Variants in ALPK3 observed in about 807,000 individuals in gnomAD.
The protein encoded by ALPK3 is alpha-protein kinase 3.
Under a neutral mutation model 140.0 loss-of-function variants are expected in ALPK3, and 102 were observed. The observed-to-expected ratio is 0.73, with a 90% CI of 0.62 to 0.86. The LOEUF is 0.86. Ranked by LOEUF, ALPK3 falls within the 40% of genes least tolerant of loss-of-function variation. ALPK3 has a pLI of 0.00. For synonymous variants in ALPK3, 938 were observed against 898.5 expected (o/e 1.04, Z -0.79); for missense variants, 2,254 against 2,208.2 (o/e 1.02, Z -0.42).
At chr15:84,855,424 G>T (rs939142459) in intron 5 of ALPK3, among the ~76,000 whole-genome samples, 1 of 152,076 alleles carries the variant, frequency 6.6e-6, no homozygotes, top group African/African-American at 2.4e-5. Flanking sequence ...GAGACTGTAG[G>T]TTTTATTTGC....
Position 84,860,265 on chromosome 15 carries a change from G to A in ALPK3, c.4129+193G>A, listed in dbSNP as rs12907646. On this transcript the variant is annotated intron_variant, in intron 9 of 13. Coordinates refer to ENST00000258888, the MANE Select transcript of ALPK3 (RefSeq NM_020778.5). ...ATTATGGGGGAAGAAGTGACCAAGG[G>A]GGCCACTGCACAGGAGTTAGTTCAC... Among the ~76,000 whole-genome samples the A allele has an allele frequency of 0.17, 26,065 of 152,112 alleles. 2,830 individuals are homozygous for A. The highest frequency in any genetic ancestry group is 0.28 in the Middle Eastern group (81 of 294).
chr15:84,849,351 A>G (rs1820550262), intron 5 of ALPK3, among the ~76,000 whole-genome samples: 1 of 152,218 alleles, frequency 6.6e-6, no homozygotes, highest in African/African-American at 2.4e-5. Context: ...TCAGTAATCA[A>G]TAGAACTAGT....
chr15:84,839,818 G>A lies in ALPK3; in HGVS notation c.539G>A (p.Arg180His), dbSNP rs574988897. 2 of 1,614,138 alleles carry A rather than the reference G, an allele frequency of 1.2e-6. No individual in the cohort carries two copies. The highest frequency in any genetic ancestry group is 2.2e-5 in the East Asian group (1 of 44,872). Reference sequence around the variant, plus strand: ...ATGACTGAGTACAAGATCCACCAGCGCTGGTTCGCCAAGTTGAAGCGCAAG... The same window carrying A: ...ATGACTGAGTACAAGATCCACCAGCACTGGTTCGCCAAGTTGAAGCGCAAG... ...GTMTEYKIHQ[R>H]WFAKLKRKAA... Residue 180 changes from arginine (R) to histidine (H), a missense_variant, in exon 5 of 14, where the codon CGC becomes CAC. Physicochemically the swap from Arg to His is conservative, Grantham distance 29. Coordinates refer to ENST00000258888, the MANE Select transcript of ALPK3 (RefSeq NM_020778.5).
chr15:84,864,451 A>T lies in ALPK3; in HGVS notation c.4509A>T (p.Pro1503=), dbSNP rs773647012. ...GTGAAACTATGTTTAGGATCATCCC[A>T]CTGTATCTGATCTACCGGCCTGCAA... ...PGFGEVPEII[P]LYLIYRPANN... The change falls in exon 12 of 14, where the codon CCA becomes CCT. Residue 1503 remains proline, a synonymous_variant. Coordinates refer to ENST00000258888, the MANE Select transcript of ALPK3 (RefSeq NM_020778.5). 1.2e-6 allele frequency: 2 copies of T among 1,613,906 alleles called. No individual in the cohort carries two copies. Among genetic ancestry groups the T allele is most frequent in the Non-Finnish European group, 1.7e-6 (2 of 1,179,944 alleles).
At position 84,856,559 on chromosome 15, in the gene ALPK3, G is replaced by A. The variant is rs1236575029; in HGVS notation, c.1821G>A (p.Lys607=). ...RTSANQRTGS[K]KNVQADGKIQ... ...CTGCTAACCAGAGAACTGGAAGCAAGAAGAATGTGCAGGCAGATGGGAAGA... is the reference window on the plus strand; with the variant it reads ...CTGCTAACCAGAGAACTGGAAGCAAAAAGAATGTGCAGGCAGATGGGAAGA... The change falls in exon 6 of 14, where the codon AAG becomes AAA. Residue 607 remains lysine, a synonymous_variant. Transcript: ENST00000258888. 1.2e-6 allele frequency: 2 copies of A among 1,614,082 alleles called. No individual in the cohort carries two copies. The highest frequency in any genetic ancestry group is 1.7e-6 in the Non-Finnish European group (2 of 1,180,036).
Position 84,839,843 on chromosome 15 carries a change from G to A in ALPK3, c.564G>A (p.Lys188=), listed in dbSNP as rs777335669. Residue 188 remains lysine (K), a synonymous_variant, in exon 5 of 14, where the codon AAG becomes AAA. Coordinates refer to ENST00000258888, the MANE Select transcript of ALPK3 (RefSeq NM_020778.5). ...GCTGGTTCGCCAAGTTGAAGCGCAA[G>A]GCTGCGGCAAAGCTGCGCGAGATCG... ...HQRWFAKLKR[K]AAAKLREIEQ... 77 of 1,614,038 alleles carry A rather than the reference G, an allele frequency of 4.8e-5. 1 individual carries two copies. In the Admixed American group the frequency reaches 1.2e-3, roughly 25 times the overall value.
chr15:84,856,665 G>T lies in ALPK3; in HGVS notation c.1927G>T (p.Ala643Ser). The T allele has an allele frequency of 6.2e-7, 1 of 1,614,104 alleles. No homozygotes were observed. Among genetic ancestry groups the T allele is most frequent in the Non-Finnish European group, 8.5e-7 (1 of 1,180,038 alleles). Residue 643 changes from alanine to serine, a missense_variant, in exon 6 of 14, where the codon GCT (alanine) becomes TCT (serine). Ala to Ser is a moderately conservative substitution (Grantham distance 99). Around this residue, in one of 3 missense-constraint regions of ALPK3, gnomAD observed 2,088 missense variants for 2,022.9 expected, o/e 1.03. Transcript: ENST00000258888. Reference protein sequence around the residue: ...TRADRKTQVDAGTQESKRPQS... With the variant: ...TRADRKTQVDSGTQESKRPQS... Reference sequence around the variant, plus strand: ...TGCAGATAGGAAGACGCAGGTGGATGCTGGGACACAAGAAAGCAAGAGGCC... The same window carrying T: ...TGCAGATAGGAAGACGCAGGTGGATTCTGGGACACAAGAAAGCAAGAGGCC...
At chr15:84,850,879 T>TATACACACACACACACACACAC (rs144798232) in intron 5 of ALPK3, among the ~76,000 whole-genome samples, 2 of 142,366 alleles carry the variant, frequency 1.4e-5, no homozygotes, top group Non-Finnish European at 3.0e-5. Context: ...GTTCCAGATA[T>TATACACACACACACACACACAC]ACACACACAC....
intron 5 of ALPK3, among the ~76,000 whole-genome samples, chr15:84,851,033 C>T (rs928866510): frequency 6.6e-6 from 1 of 152,048 alleles, no homozygotes; most frequent in African/African-American, 2.4e-5. Context: ...GGGCCCTCTT[C>T]AAAGGGGAAG....
chr15:84,857,864 C>A lies in ALPK3; in HGVS notation c.3126C>A (p.Gly1042=), dbSNP rs1432741523. 6.2e-7 allele frequency: 1 copy of A among 1,612,258 alleles called. No homozygotes were observed. The highest frequency in any genetic ancestry group is 1.1e-5 in the South Asian group (1 of 90,958). The change falls in exon 6 of 14, where the codon GGC becomes GGA. Residue 1042 remains glycine (G), a synonymous_variant. Transcript: ENST00000258888. The stretch of plus-strand genomic sequence containing the variant: ...CCTGTACCTCCCGCCGCCTCACCGG[C>A]CTCCTGGACCGTGAGGTGCAGGCTG... ...LSPCTSRRLT[G]LLDREVQAGR... is the part of the protein sequence containing the mutation.
rs1326272365 is a variant in ALPK3 at position 84,839,817 on chromosome 15, C to T, written c.538C>T (p.Arg180Cys). Residue 180 changes from arginine to cysteine, a missense_variant, in exon 5 of 14, where the codon CGC becomes TGC. Physicochemically the swap from Arg to Cys is radical, Grantham distance 180. Coordinates refer to ENST00000258888, the MANE Select transcript of ALPK3 (RefSeq NM_020778.5). Reference sequence around the variant, plus strand: ...CATGACTGAGTACAAGATCCACCAGCGCTGGTTCGCCAAGTTGAAGCGCAA... The same window carrying T: ...CATGACTGAGTACAAGATCCACCAGTGCTGGTTCGCCAAGTTGAAGCGCAA... ...GTMTEYKIHQ[R>C]WFAKLKRKAA... 3.7e-6 allele frequency: 6 copies of T among 1,613,974 alleles called. No individual in the cohort carries two copies. The South Asian group carries it at 4.4e-5, about 12-fold the overall frequency.
chr15:84,839,867 C>A lies in ALPK3; in HGVS notation c.588C>A (p.Ile196=). 1 of 1,614,090 alleles carries A rather than the reference C, an allele frequency of 6.2e-7. No individual in the cohort carries two copies. Among genetic ancestry groups the A allele is most frequent in the Non-Finnish European group, 8.5e-7 (1 of 1,180,036 alleles). ...KRKAAAKLRE[I]EQSWKHEKAV... ...AGGCTGCGGCAAAGCTGCGCGAGAT[C>A]GAGCAGAGCTGGAAGCACGAGAAGG... Residue 196 remains isoleucine (I), a synonymous_variant, in exon 5 of 14, where the codon ATC becomes ATA. Transcript: ENST00000258888.
At chr15:84,838,553 G>A (rs926061223) in intron 3 of ALPK3, among the ~76,000 whole-genome samples, 3 of 151,794 alleles carry the variant, frequency 2.0e-5, no homozygotes, top group South Asian at 2.1e-4. Flanking sequence ...GTCCTGTCCA[G>A]TCTCTTCAGG....
chr15:84,861,612 G>C (rs1963946707), intron 9 of ALPK3, among the ~76,000 whole-genome samples: 2 of 152,198 alleles, frequency 1.3e-5, no homozygotes, highest in South Asian at 4.1e-4. Flanking sequence ...TTCATTAGCA[G>C]TTGCAACATG....
At chr15:84,817,684 G>C in intron 1 of ALPK3, 89 bp downstream of exon 1, 1 of 1,344,888 alleles carries the variant, frequency 7.4e-7, no homozygotes, top group Non-Finnish European at 9.5e-7. Flanking sequence ...TGGAGGCCTG[G>C]GCTGGGCCTG....
chr15:84,817,744 G>A (rs1465074114), intron 1 of ALPK3, 149 bp downstream of exon 1: 6 of 1,065,712 alleles, frequency 5.6e-6, no homozygotes, highest in African/African-American at 1.7e-5. Context: ...GGACATGGCC[G>A]GGCTGGAATG....
intron 3 of ALPK3, among the ~76,000 whole-genome samples, chr15:84,833,782 T>A (rs909009705): frequency 6.6e-6 from 1 of 152,130 alleles, no homozygotes; most frequent in Non-Finnish European, 1.5e-5. Context: ...GGCAAGGCCC[T>A]GGGGTTCTTC....
chr15:84,838,308 C>T (rs1963617645), intron 3 of ALPK3, among the ~76,000 whole-genome samples: 1 of 152,268 alleles, frequency 6.6e-6, no homozygotes, highest in East Asian at 1.9e-4. Flanking sequence ...AGAGCCCTTA[C>T]TGCAGTTGAG....
At chr15:84,825,410 C>G (rs936931672) in intron 2 of ALPK3, among the ~76,000 whole-genome samples, 1 of 152,044 alleles carries the variant, frequency 6.6e-6, no homozygotes. Flanking sequence ...CTCTTGACCT[C>G]GTGATCCGCC....
Sources: gnomAD v4.1 joint callset for allele counts (sites outside exome capture counted in the v4.1 genomes callset) on GRCh38, gnomAD v4.1.1 for gene constraint, gnomAD v4.1.1 regional missense constraint, MANE v1.5 for transcripts, NCBI Gene and HGNC (gene_info 2026-07-23, HGNC 2026-07-21) for gene names.